The following HEATR5A variants were observed in gnomAD, a reference collection of about 807,000 sequenced individuals.
HEATR5A encodes HEAT repeat containing 5A, also known as HEAT repeat-containing protein 5A.
HEATR5A carries 178 observed loss-of-function variants against 218.8 expected under a neutral mutation model. The ratio of observed to expected loss-of-function variants is 0.81; its 90% CI spans 0.72 to 0.92. The LOEUF is 0.92. Among genes scored for constraint, HEATR5A ranks in the 40% least tolerant of loss-of-function variants. The probability of loss-of-function intolerance (pLI) is 0.00; values close to 1 mark genes in which losing one functional copy is unlikely to be tolerated. For synonymous variants in HEATR5A, 864 were observed against 871.6 expected (o/e 0.99, Z 0.15); for missense variants, 2,420 against 2,418.9 (o/e 1.00, Z -0.01).
Position 31,350,656 on chromosome 14 carries a change from C to G in HEATR5A, c.2473G>C (p.Val825Leu). The G allele has an allele frequency of 6.2e-7, 1 of 1,603,284 alleles. No individual in the cohort carries two copies. The highest frequency in any genetic ancestry group is 8.5e-7 in the Non-Finnish European group (1 of 1,173,488). The stretch of plus-strand genomic sequence containing the variant: ...GAAGAAACAACATGTAACTGAACCA[C>G]TTGCTGACGAGCTCCTTTTGTGTGC... ...IKHTKGARQQ[V>L]VQLHVVSSVS... The change falls in exon 17 of 36, where the codon GTG (valine) becomes CTG (leucine). Residue 825 changes from valine to leucine, a missense_variant. Physicochemically the swap from Val to Leu is conservative, Grantham distance 32. Transcript: ENST00000543095.
intron 22 of HEATR5A, among the ~76,000 whole-genome samples, chr14:31,332,193 A>G (rs1418726306): frequency 6.6e-6 from 1 of 152,216 alleles, no homozygotes; most frequent in Non-Finnish European, 1.5e-5. Context: ...TGTTATGATG[A>G]TCTGTGATCA....
chr14:31,307,182 T>G (rs1181189205), intron 30 of HEATR5A, among the ~76,000 whole-genome samples: 1 of 152,196 alleles, frequency 6.6e-6, no homozygotes, highest in African/African-American at 2.4e-5. Flanking sequence ...GCTTTAAACC[T>G]AATAAAAGTT....
In HEATR5A at chr14:31,374,738, A is replaced by C. The variant is rs1902166223; in HGVS notation, c.1861+78T>G. 5 of 1,350,904 alleles carry C rather than the reference A, an allele frequency of 3.7e-6. No individual in the cohort carries two copies. The South Asian group carries it at 7.7e-5, about 21-fold the overall frequency. 83.7% of individuals were successfully genotyped at this position (1,350,904 alleles called of 1,614,324 possible). On this transcript the variant is annotated intron_variant, in intron 12 of 35. Transcript: ENST00000543095. ...ATCCCCCTGCCTCGTGTTAAATAAA[A>C]CATACAAGTACATGTTAAAGACAAA...
intron 23 of HEATR5A, among the ~76,000 whole-genome samples, chr14:31,325,705 G>A (rs1900245894): frequency 6.6e-6 from 1 of 151,498 alleles, no homozygotes; most frequent in Non-Finnish European, 1.5e-5. Context: ...TTGTAGAGAT[G>A]GTGTTTTGCC....
intron 11 of HEATR5A, among the ~76,000 whole-genome samples, chr14:31,376,302 G>A (rs920040592): frequency 1.3e-5 from 2 of 152,132 alleles, no homozygotes; most frequent in Non-Finnish European, 2.9e-5. Flanking sequence ...GATTGCTTGA[G>A]GCCAGGCATT....
intron 34 of HEATR5A, among the ~76,000 whole-genome samples, 161 bp from the exon 35 acceptor site, chr14:31,294,265 C>A (rs1338262333): frequency 1.3e-5 from 2 of 152,102 alleles, no homozygotes; most frequent in African/African-American, 4.8e-5. Context: ...AACATCTATG[C>A]TAACAGTGGT....
chr14:31,350,967 G>A (rs1052356835), intron 16 of HEATR5A, among the ~76,000 whole-genome samples: 1 of 152,088 alleles, frequency 6.6e-6, no homozygotes, highest in Non-Finnish European at 1.5e-5. Flanking sequence ...TAGTAGAGTA[G>A]TAGTAGTTTC....
intron 16 of HEATR5A, among the ~76,000 whole-genome samples, chr14:31,357,645 C>T (rs1463510789): frequency 2.0e-5 from 3 of 152,166 alleles, no homozygotes; most frequent in Non-Finnish European, 2.9e-5. Context: ...ATCATTATCA[C>T]CCTTTGGTTT....
chr14:31,317,992 CA>C (rs1459376021), intron 26 of HEATR5A, among the ~76,000 whole-genome samples: 1 of 151,580 alleles, frequency 6.6e-6, no homozygotes, highest in Non-Finnish European at 1.5e-5. Context: ...ATTCTAATAG[CA>C]AAAGAAAAAA....
intron 18 of HEATR5A, among the ~76,000 whole-genome samples, chr14:31,348,707 T>C (rs894389575): frequency 6.6e-6 from 1 of 152,212 alleles, no homozygotes; most frequent in African/African-American, 2.4e-5. Context: ...CTGGAATTCA[T>C]ACTATTATCA....
chr14:31,318,152 T>C (rs181863861), intron 26 of HEATR5A, 72 bp downstream of exon 26: 21 of 1,283,222 alleles, frequency 1.6e-5, no homozygotes, highest in Middle Eastern at 3.7e-4. Flanking sequence ...AGAAAAAACA[T>C]TGGTAAAAAA....
chr14:31,387,938 T>C (rs1413694727), intron 7 of HEATR5A, among the ~76,000 whole-genome samples: 1 of 152,194 alleles, frequency 6.6e-6, no homozygotes, highest in African/African-American at 2.4e-5. Context: ...AGTTTCAGGA[T>C]AGTCAGCATA....
chr14:31,416,273 C>A (rs564840862), intron 1 of HEATR5A, among the ~76,000 whole-genome samples: 1 of 152,078 alleles, frequency 6.6e-6, no homozygotes, highest in Admixed American at 6.5e-5. Context: ...CCGGCCACCA[C>A]GCCCGGCTAA....
chr14:31,312,880 A>G lies in HEATR5A; in HGVS notation c.4441+88T>C, dbSNP rs547918896. On this transcript the variant is annotated intron_variant, in intron 28 of 35. Coordinates refer to ENST00000543095, the MANE Select transcript of HEATR5A (RefSeq NM_015473.4). Reference sequence around the variant, plus strand: ...ACCATGGCACTCCAGCCTGGGAAACAAAGTAAGACCCTGTCAAAAACAAAA... The same window carrying G: ...ACCATGGCACTCCAGCCTGGGAAACGAAGTAAGACCCTGTCAAAAACAAAA... The G allele has an allele frequency of 2.1e-5, 23 of 1,120,498 alleles. No homozygotes were observed. The African/African-American group carries it at 2.9e-4, about 14-fold the overall frequency. 69.4% of individuals were successfully genotyped at this position (1,120,498 alleles called of 1,614,324 possible). A position where few individuals can be genotyped will look rare whatever the true frequency, so the allele number is the denominator to read the frequency against.
Position 31,386,591 on chromosome 14 carries a change from G to A in HEATR5A, c.1190-16C>T. On this transcript the variant is annotated splice_polypyrimidine_tract_variant and intron_variant, in intron 8 of 35. Coordinates refer to ENST00000543095, the MANE Select transcript of HEATR5A (RefSeq NM_015473.4). ...ATTACGGCATCTGATAGAAATGCAAGAATTAACTATGCATAACCACTGTAT... is the reference window on the plus strand; with the variant it reads ...ATTACGGCATCTGATAGAAATGCAAAAATTAACTATGCATAACCACTGTAT... The A allele has an allele frequency of 6.4e-7, 1 of 1,560,648 alleles. No individual in the cohort carries two copies. The highest frequency in any genetic ancestry group is 8.6e-7 in the Non-Finnish European group (1 of 1,156,626).
At position 31,318,275 on chromosome 14, in the gene HEATR5A, T is replaced by C. The variant is rs781507635; in HGVS notation, c.3987A>G (p.Arg1329=). ...GTGGTGTCTCTGAAGTGAAGGCTGG[T>C]CTAAGCGCTGCTCCTACCTGGCAAG... ...QYQANVGAAL[R]PAFTSETPPD... Residue 1329 remains arginine (R), a synonymous_variant, in exon 26 of 36, where the codon AGA becomes AGG. Coordinates refer to ENST00000543095, the MANE Select transcript of HEATR5A (RefSeq NM_015473.4). The C allele has an allele frequency of 1.9e-6, 3 of 1,613,840 alleles. No individual in the cohort carries two copies. The highest frequency in any genetic ancestry group is 3.3e-5 in the Admixed American group (2 of 60,024).
At chr14:31,351,751 A>G (rs1901239514) in intron 16 of HEATR5A, among the ~76,000 whole-genome samples, 1 of 151,704 alleles carries the variant, frequency 6.6e-6, no homozygotes, top group Non-Finnish European at 1.5e-5. Flanking sequence ...ACCTGGGAGT[A>G]TAGGAACACA....
intron 22 of HEATR5A, among the ~76,000 whole-genome samples, chr14:31,327,384 C>T (rs1900306552): frequency 1.3e-5 from 2 of 150,436 alleles, no homozygotes; most frequent in African/African-American, 4.9e-5. Context: ...ACCTCCGCCT[C>T]CTGAGTTCAA....
At chr14:31,369,777 A>C (rs1901961409) in intron 13 of HEATR5A, among the ~76,000 whole-genome samples, 1 of 151,872 alleles carries the variant, frequency 6.6e-6, no homozygotes, top group South Asian at 2.1e-4. Flanking sequence ...AAAACACAAA[A>C]ATTAGCTGGG....
Sources: gnomAD v4.1 joint callset for allele counts (sites outside exome capture counted in the v4.1 genomes callset) on GRCh38, gnomAD v4.1.1 for gene constraint, MANE v1.5 for transcripts, NCBI Gene and HGNC (gene_info 2026-07-23, HGNC 2026-07-21) for gene names.